The following RBFOX1 variants were observed in gnomAD, a reference collection of about 807,000 sequenced individuals.
RBFOX1 encodes RNA binding protein fox-1 homolog 1.
Under a neutral mutation model 57.7 loss-of-function variants are expected in RBFOX1, and 8 were observed. That is an observed-to-expected ratio of 0.14 (90% confidence interval 0.08 to 0.25). RBFOX1 has a LOEUF of 0.25. Ranked by LOEUF, RBFOX1 falls within the 10% of genes least tolerant of loss-of-function variation. The pLI is 1.00. For missense variants in RBFOX1, 611 were observed against 548.5 expected (o/e 1.11, Z -1.14); for synonymous variants, 326 against 222.4 (o/e 1.47, Z -4.15).
chr16:6,228,203 C>T (rs367752211), intron 1 of RBFOX1, among the ~76,000 whole-genome samples: 71 of 152,108 alleles, frequency 4.7e-4, no homozygotes, highest in Middle Eastern at 3.4e-3. Flanking sequence ...CCCAGCTACT[C>T]GGGGCCGGGG....
intron 2 of RBFOX1, among the ~76,000 whole-genome samples, chr16:5,571,181 C>G (rs1425438714): frequency 6.8e-6 from 1 of 147,272 alleles, no homozygotes; most frequent in East Asian, 2.0e-4. Flanking sequence ...CTCTTACTCC[C>G]TTGTCCCCTG....
intron 13 of RBFOX1, among the ~76,000 whole-genome samples, chr16:7,672,018 G>A (rs1263203550): frequency 1.3e-5 from 2 of 152,266 alleles, no homozygotes; most frequent in East Asian, 1.9e-4. Flanking sequence ...TAATTTTTTA[G>A]TAGGTTCCCA....
intron 4 of RBFOX1, among the ~76,000 whole-genome samples, chr16:7,063,642 C>G (rs2031477801): frequency 6.6e-6 from 1 of 152,106 alleles, no homozygotes. Flanking sequence ...GCTATTGGCC[C>G]TTCATATCTG....
chr16:6,742,680 C>A (rs1031538157), intron 3 of RBFOX1, among the ~76,000 whole-genome samples: 1 of 152,114 alleles, frequency 6.6e-6, no homozygotes. Context: ...TCGATATACA[C>A]AACACCTGTG....
At chr16:5,694,406 C>T (rs929993914) in intron 3 of RBFOX1, among the ~76,000 whole-genome samples, 1 of 152,176 alleles carries the variant, frequency 6.6e-6, no homozygotes. Context: ...GTTGAGATTT[C>T]CTGAGTGATT....
chr16:6,941,350 C>G (rs1358734597), intron 3 of RBFOX1, among the ~76,000 whole-genome samples: 1 of 139,618 alleles, frequency 7.2e-6, no homozygotes, highest in African/African-American at 2.7e-5. Flanking sequence ...TTCCTTCCTT[C>G]CTTCCTTCTC....
chr16:7,265,422 C>G (rs903365869), intron 4 of RBFOX1, among the ~76,000 whole-genome samples: 1 of 151,634 alleles, frequency 6.6e-6, no homozygotes, highest in African/African-American at 2.4e-5. Flanking sequence ...CTTTTCTTTT[C>G]TTTCCTTTAT....
chr16:6,392,881 A>G (rs927217550), intron 2 of RBFOX1, among the ~76,000 whole-genome samples: 2 of 152,254 alleles, frequency 1.3e-5, no homozygotes, highest in Non-Finnish European at 2.9e-5. Flanking sequence ...TATTTTTATC[A>G]GACGCAACAC....
chr16:6,590,839 C>T (rs550211845), intron 2 of RBFOX1, among the ~76,000 whole-genome samples: 10 of 9,536 alleles, frequency 1.0e-3, no homozygotes, highest in East Asian at 6.8e-3. Context: ...TTGGCAAGTG[C>T]GTTTGACATG....
At chr16:5,805,518 G>A (rs1210479253) in intron 3 of RBFOX1, among the ~76,000 whole-genome samples, 1 of 152,170 alleles carries the variant, frequency 6.6e-6, no homozygotes, top group African/African-American at 2.4e-5. Context: ...TGGTGGCCCT[G>A]CCAGAAACAG....
chr16:7,407,376 GTGT>G (rs2098362196), intron 4 of RBFOX1, among the ~76,000 whole-genome samples: 57 of 16,440 alleles, frequency 3.5e-3, no homozygotes, highest in Admixed American at 0.016. Flanking sequence ...TTGTATGGGT[GTGT>G]GTGTGTGTGT....
chr16:7,375,202 G>C (rs1055152499), intron 4 of RBFOX1, among the ~76,000 whole-genome samples: 9 of 152,326 alleles, frequency 5.9e-5, no homozygotes, highest in Non-Finnish European at 5.9e-5. Flanking sequence ...CTGAAGATCA[G>C]AGAAGTACAT....
chr16:6,491,136 T>C (rs1273411580), intron 2 of RBFOX1, among the ~76,000 whole-genome samples: 2 of 152,042 alleles, frequency 1.3e-5, no homozygotes, highest in Non-Finnish European at 2.9e-5. Context: ...AAGCTATAGA[T>C]ATGTAACTTA....
At chr16:7,499,832 A>G (rs1194907807) in intron 4 of RBFOX1, among the ~76,000 whole-genome samples, 7 of 152,234 alleles carry the variant, frequency 4.6e-5, no homozygotes, top group East Asian at 1.9e-4. Flanking sequence ...ATTAACTACA[A>G]TATCCTAAGT....
chr16:5,855,614 G>A (rs573431653), intron 3 of RBFOX1, among the ~76,000 whole-genome samples: 127 of 152,154 alleles, frequency 8.3e-4, no homozygotes, highest in African/African-American at 2.8e-3. Flanking sequence ...ATACTGTTTT[G>A]GTTACTGTTC....
At chr16:7,609,657 C>A (rs771627914) in intron 10 of RBFOX1, among the ~76,000 whole-genome samples, 1 of 152,020 alleles carries the variant, frequency 6.6e-6, no homozygotes, top group African/African-American at 2.4e-5. Flanking sequence ...ATGCTCATGG[C>A]GATTTTCCAA....
At chr16:5,404,331 T>C (rs1460304729) in intron 1 of RBFOX1, among the ~76,000 whole-genome samples, 2 of 152,116 alleles carry the variant, frequency 1.3e-5, no homozygotes, top group South Asian at 2.1e-4. Context: ...CTGGGAGCAT[T>C]GAACCTTATC....
intron 3 of RBFOX1, among the ~76,000 whole-genome samples, chr16:6,701,325 G>T (rs1022247016): frequency 6.6e-6 from 1 of 152,232 alleles, no homozygotes; most frequent in Non-Finnish European, 1.5e-5. Context: ...ACCCCCTGCA[G>T]CTGGGTACGG....
chr16:7,471,890 C>T (rs1018213883), intron 4 of RBFOX1, among the ~76,000 whole-genome samples: 1 of 152,204 alleles, frequency 6.6e-6, no homozygotes, highest in Non-Finnish European at 1.5e-5. Context: ...ACCCTTCATT[C>T]TATGCCATTT....
Sources: gnomAD v4.1 joint callset for allele counts (sites outside exome capture counted in the v4.1 genomes callset) on GRCh38, gnomAD v4.1.1 for gene constraint, MANE v1.5 for transcripts, NCBI Gene and HGNC (gene_info 2026-07-23, HGNC 2026-07-21) for gene names.